CPT1A: variants seen among roughly 807,000 people sequenced by gnomAD.
The protein encoded by CPT1A is carnitine palmitoyltransferase 1A.
Under a neutral mutation model 100.8 loss-of-function variants are expected in CPT1A, and 64 were observed. The ratio of observed to expected loss-of-function variants is 0.63; its 90% confidence interval spans 0.52 to 0.78. The LOEUF (loss-of-function observed/expected upper bound fraction) is 0.78, where lower values mean the gene tolerates loss of function less well. Ranked by LOEUF, CPT1A falls within the 30% of genes least tolerant of loss-of-function variation. The pLI, the probability that CPT1A is intolerant of heterozygous loss-of-function variation, is 0.00. For synonymous variants in CPT1A, 363 were observed against 396.0 expected, an observed-to-expected ratio of 0.92 and a Z score of 0.99; for missense variants, 802 against 1,034.1, an observed-to-expected ratio of 0.78 and a Z score of 3.08.
At chr11:68,762,828 T>G (rs1854669713) in intron 14 of CPT1A, 67 bp from the exon 15 acceptor site, 1 of 1,595,028 alleles carries the variant, frequency 6.3e-7, no homozygotes, top group East Asian at 2.2e-5. Flanking sequence ...TAAGGAAGGA[T>G]TGGGTAAGAT....
At chr11:68,763,098 C>T (rs1168268355) in intron 14 of CPT1A, among the ~76,000 whole-genome samples, 1 of 152,228 alleles carries the variant, frequency 6.6e-6, no homozygotes, top group Non-Finnish European at 1.5e-5. Flanking sequence ...ATCCACCCGC[C>T]TTGGCTTCCC....
intron 1 of CPT1A, chr11:68,839,421 C>T: frequency 1.3e-6 from 1 of 795,234 alleles, no homozygotes. Flanking sequence ...CAGCAGCAGC[C>T]CCGCCCCCAG....
At chr11:68,812,674 G>A in intron 2 of CPT1A, 98 bp from the exon 3 acceptor site, 5 of 1,418,482 alleles carry the variant, frequency 3.5e-6, no homozygotes, top group Non-Finnish European at 4.9e-6. Context: ...GGGACAGCAG[G>A]CAGTGAGAAG....
At chr11:68,815,591 C>T (rs1856363966) in intron 1 of CPT1A, 104 bp from the exon 2 acceptor site, 2 of 1,122,674 alleles carry the variant, frequency 1.8e-6, no homozygotes, top group African/African-American at 1.5e-5. Context: ...TTCTTCCTCG[C>T]CACTTAACAG....
At chr11:68,839,222 G>C (rs1229887823) in intron 1 of CPT1A, among the ~76,000 whole-genome samples, 1 of 152,198 alleles carries the variant, frequency 6.6e-6, no homozygotes, top group Non-Finnish European at 1.5e-5. Flanking sequence ...GCCCGCGCAG[G>C]CTCCGGTTTC....
At chr11:68,824,783 T>A (rs1856677931) in intron 1 of CPT1A, among the ~76,000 whole-genome samples, 2 of 143,634 alleles carry the variant, frequency 1.4e-5, no homozygotes, top group South Asian at 4.4e-4. Flanking sequence ...TATTGCTACA[T>A]GCAATTGTAT....
At chr11:68,761,513 G>A (rs752632240) in intron 16 of CPT1A, 22 bp downstream of exon 16, 40 of 1,612,504 alleles carry the variant, frequency 2.5e-5, no homozygotes, top group East Asian at 4.5e-5. Context: ...TACAACTGAC[G>A]GAAGAAGTGG....
chr11:68,762,790 G>A (rs777600060), intron 14 of CPT1A, 29 bp from the exon 15 acceptor site: 5 of 1,613,560 alleles, frequency 3.1e-6, no homozygotes, highest in South Asian at 2.2e-5. Flanking sequence ...TTCAGTGCAC[G>A]GCAGGGCATG....
intron 11 of CPT1A, 40 bp downstream of exon 11, chr11:68,781,731 C>A: frequency 6.3e-7 from 1 of 1,592,998 alleles, no homozygotes; most frequent in African/African-American, 1.3e-5. Context: ...CTTCCAAGCT[C>A]ATGGGCAAAC....
chr11:68,759,471 G>T, intron 18 of CPT1A, 98 bp downstream of exon 18: 1 of 835,644 alleles, frequency 1.2e-6, no homozygotes. Context: ...GCAGGCAGTT[G>T]AATTGACTTT....
chr11:68,777,987 C>G (rs985991643), intron 12 of CPT1A, among the ~76,000 whole-genome samples: 1 of 152,168 alleles, frequency 6.6e-6, no homozygotes, highest in African/African-American at 2.4e-5. Flanking sequence ...CGCCAAAGAA[C>G]CCTGGTGGTG....
intron 5 of CPT1A, among the ~76,000 whole-genome samples, chr11:68,802,916 A>G (rs898260877): frequency 6.6e-6 from 1 of 151,526 alleles, no homozygotes; most frequent in Non-Finnish European, 1.5e-5. Context: ...AAAAAAAAAA[A>G]AAAAGAAAAT....
chr11:68,796,258 A>G (rs1472366629), intron 7 of CPT1A, among the ~76,000 whole-genome samples: 1 of 152,126 alleles, frequency 6.6e-6, no homozygotes, highest in Non-Finnish European at 1.5e-5. Context: ...GTGCTAAGCC[A>G]TAAAAACAGC....
At chr11:68,759,030 G>A (rs890837936) in intron 18 of CPT1A, among the ~76,000 whole-genome samples, 1 of 152,058 alleles carries the variant, frequency 6.6e-6, no homozygotes, top group African/African-American at 2.4e-5. Context: ...AGAGGATCGC[G>A]TGAGCCCAGG....
intron 5 of CPT1A, among the ~76,000 whole-genome samples, chr11:68,802,914 A>G (rs1297315329): frequency 4.6e-5 from 7 of 151,662 alleles, no homozygotes; most frequent in African/African-American, 1.4e-4. Flanking sequence ...AAAAAAAAAA[A>G]AAAAAAGAAA....
At chr11:68,843,108 G>T (rs1477222019), upstream of CPT1A, among the ~76,000 whole-genome samples, 1 of 152,154 alleles carries the variant, frequency 6.6e-6, no homozygotes, top group Non-Finnish European at 1.5e-5. This position sits in a 1 kb window ranked among gnomAD's most constrained non-coding sequence, Gnocchi z 4.0. Flanking sequence ...GAAAATGAAA[G>T]TTCTCCTTTG....
At chr11:68,771,893 T>C (rs1358248560) in intron 14 of CPT1A, among the ~76,000 whole-genome samples, 1 of 152,186 alleles carries the variant, frequency 6.6e-6, no homozygotes, top group African/African-American at 2.4e-5. Flanking sequence ...TGAGGCATAA[T>C]GGGGACTTGT....
intron 14 of CPT1A, among the ~76,000 whole-genome samples, chr11:68,767,694 T>A (rs1854848384): frequency 6.6e-6 from 1 of 152,174 alleles, no homozygotes; most frequent in Admixed American, 6.5e-5. Context: ...AAAGGAAGAT[T>A]CACTCTGCCG....
In CPT1A at chr11:68,815,451, C is replaced by T; in HGVS notation, c.24G>A (p.Val8=). The change falls in exon 2 of 19, where the codon GTG becomes GTA. Residue 8 remains valine, a synonymous_variant. Transcript: ENST00000265641. ...CCGGAGTGACCGTGAACTGAAAGGC[C>T]ACAGCTTGGTGAGCTTCTGCCATCT... is the stretch of plus-strand genomic sequence containing the variant. MAEAHQA[V]AFQFTVTPDG... The T allele has an allele frequency of 6.2e-7, 1 of 1,614,128 alleles. No individual in the cohort carries two copies. Among genetic ancestry groups the T allele is most frequent in the Non-Finnish European group, 8.5e-7 (1 of 1,180,032 alleles).
Sources: gnomAD v4.1 joint callset for allele counts (sites outside exome capture counted in the v4.1 genomes callset) on GRCh38, gnomAD v4.1.1 for gene constraint, Gnocchi (gnomAD v3.1) non-coding constraint, MANE v1.5 for transcripts, NCBI Gene and HGNC (gene_info 2026-07-23, HGNC 2026-07-21) for gene names.